The following KLHL13 variants were observed in gnomAD, a reference collection of about 807,000 sequenced individuals.
The protein encoded by KLHL13 is kelch-like protein 13.
KLHL13 carries 10 observed loss-of-function variants against 37.1 expected under a neutral mutation model. The ratio of observed to expected loss-of-function variants is 0.27; its 90% CI spans 0.17 to 0.46. The LOEUF (loss-of-function observed/expected upper bound fraction) is 0.46, where lower values mean the gene tolerates loss of function less well. KLHL13 is among the 20% of genes least tolerant of loss of function. The pLI, the probability that KLHL13 is intolerant of heterozygous loss-of-function variation, is 1.00. For synonymous variants in KLHL13, 163 were observed against 181.2 expected (o/e 0.90, Z 0.81); for missense variants, 360 against 509.3 (o/e 0.71, Z 2.82).
At chrX:117,934,818 C>G (rs1459111615) in intron 2 of KLHL13, among the ~76,000 whole-genome samples, 3 of 108,681 alleles carry the variant, frequency 2.8e-5, no homozygotes, top group Non-Finnish European at 5.7e-5. Context: ...TGACTTGGCA[C>G]AGAACAAGAA....
intron 1 of KLHL13, among the ~76,000 whole-genome samples, chrX:118,103,458 T>C (rs1281736776): frequency 9.0e-6 from 1 of 111,584 alleles, no homozygotes; most frequent in Non-Finnish European, 1.9e-5. Context: ...CCCAAGTAGA[T>C]AATAGGCATT....
At chrX:118,049,910 C>T (rs2054595900) in intron 1 of KLHL13, among the ~76,000 whole-genome samples, 1 of 112,434 alleles carries the variant, frequency 8.9e-6, no homozygotes, top group Admixed American at 9.4e-5. Flanking sequence ...ACAATTTCAG[C>T]TTCCCTTCTA....
intron 1 of KLHL13, among the ~76,000 whole-genome samples, chrX:118,018,783 G>A (rs2148004848): frequency 9.0e-6 from 1 of 110,841 alleles, no homozygotes; most frequent in Non-Finnish European, 1.9e-5. Context: ...CTTCTAAATG[G>A]CGATTTCTGA....
intron 1 of KLHL13, among the ~76,000 whole-genome samples, chrX:118,023,824 A>G: frequency 9.0e-6 from 1 of 111,503 alleles, no homozygotes; most frequent in Non-Finnish European, 1.9e-5. Context: ...CACCCTCCTC[A>G]ACCTCCCAAA....
chrX:117,945,402 G>C (rs187412669), intron 2 of KLHL13, 32 bp downstream of exon 3: 2 of 1,191,052 alleles, frequency 1.7e-6, no homozygotes, highest in South Asian at 3.7e-5. Context: ...TTAAAGCTAC[G>C]TAAACACTAC....
At chrX:118,001,866 G>A (rs1329112202) in intron 1 of KLHL13, among the ~76,000 whole-genome samples, 177 of 74,870 alleles carry the variant, frequency 2.4e-3, no homozygotes, top group African/African-American at 1.0e-2. Flanking sequence ...GCAAGACCCC[G>A]TCAAAAAAAA....
At chrX:117,903,030 A>T (rs1288721127) in intron 5 of KLHL13, among the ~76,000 whole-genome samples, 2 of 109,729 alleles carry the variant, frequency 1.8e-5, no homozygotes, top group South Asian at 8.0e-4. Flanking sequence ...AATTTGATCA[A>T]GCCACTGGAA....
In KLHL13 at chrX:117,904,674, C is replaced by T. The variant is rs188982301; in HGVS notation, c.1367-2728G>A. On this transcript the variant is annotated intron_variant, in intron 5 of 6. Coordinates refer to ENST00000262820, the Ensembl canonical transcript of KLHL13. ...TTCTATAAAATTCAAATTTCATGTT[C>T]ACAAATAAAGCTTTATTGGAGCACA... 1.2e-4 allele frequency among the ~76,000 whole-genome samples: 13 copies of T among 111,986 alleles called. No homozygotes were observed. In the East Asian group the frequency reaches 3.6e-3, roughly 31 times the overall value.
chrX:117,901,983 C>T (rs772767746), intron 5 of KLHL13, 37 bp from the exon 7 acceptor site: 6 of 749,782 alleles, frequency 8.0e-6, no homozygotes, highest in African/African-American at 2.2e-5. Context: ...TTATTTTTAA[C>T]TTCAAATTTA....
At chrX:118,115,468 T>C (rs2055458099) in intron 1 of KLHL13, among the ~76,000 whole-genome samples, 1 of 112,687 alleles carries the variant, frequency 8.9e-6, no homozygotes, top group Non-Finnish European at 1.9e-5. Context: ...ACATGAAATC[T>C]ACTGTTAAGA....
chrX:118,098,268 A>C (rs2055237614), intron 1 of KLHL13, among the ~76,000 whole-genome samples: 1 of 112,236 alleles, frequency 8.9e-6, no homozygotes, highest in Admixed American at 9.5e-5. Flanking sequence ...GGCAAAGGCT[A>C]TGAACAGACA....
At chrX:117,899,365 T>C in exon 7 of KLHL13, 1 of 1,204,635 alleles carries the variant, frequency 8.3e-7, no homozygotes, top group Middle Eastern at 2.3e-4. Flanking sequence ...GCACATGAGC[T>C]CCTTTTGGAA....
chrX:117,976,529 T>C (rs1462949741), upstream of KLHL13, among the ~76,000 whole-genome samples: 2 of 112,095 alleles, frequency 1.8e-5, no homozygotes. Flanking sequence ...ACTAAAAATA[T>C]GTTCACCTAT....
At position 118,036,905 on chromosome X, in the gene KLHL13, C is replaced by A. The variant is rs752246259; in HGVS notation, c.-56+79603G>T. Among the ~76,000 whole-genome samples the A allele has an allele frequency of 5.3e-3, 538 of 100,936 alleles. 4 individuals carry two copies. Among genetic ancestry groups the A allele is most frequent in the African/African-American group, 0.017 (467 of 27,323 alleles). 87.7% of individuals were successfully genotyped at this position (100,936 alleles called of 115,157 possible). On this transcript the variant is annotated intron_variant, in intron 1 of 6. Transcript: ENST00000371882. ...CTCAAACAAATTTACAAGAAAAAAA[C>A]AAACAACCCCATCAAAAAGTGGGCA... is the stretch of plus-strand genomic sequence containing the variant.
At chrX:118,098,089 G>T (rs1008122332) in intron 1 of KLHL13, among the ~76,000 whole-genome samples, 2 of 111,757 alleles carry the variant, frequency 1.8e-5, no homozygotes, top group Non-Finnish European at 3.8e-5. Context: ...GGGATCTAAT[G>T]AAACTCAAGA....
intron 1 of KLHL13, among the ~76,000 whole-genome samples, chrX:118,085,006 G>C (rs2055037686): frequency 9.1e-6 from 1 of 109,977 alleles, no homozygotes; most frequent in African/African-American, 3.3e-5. Flanking sequence ...CTGGGCAACA[G>C]AGCAAGACTC....
chrX:117,900,079 A>T (rs1929992360), intron 6 of KLHL13, among the ~76,000 whole-genome samples: 1 of 112,383 alleles, frequency 8.9e-6, no homozygotes, highest in Non-Finnish European at 1.9e-5. Context: ...GTGGAATTTT[A>T]TACATGCACC....
At chrX:117,947,503 G>A (rs1457454956) in intron 1 of KLHL13, 2 of 111,627 alleles carry the variant, frequency 1.8e-5, no homozygotes, top group African/African-American at 3.2e-5. Context: ...GACATATCCC[G>A]GAAATTGCTT....
chrX:118,056,840 C>G (rs2054689754), intron 1 of KLHL13, among the ~76,000 whole-genome samples: 1 of 111,938 alleles, frequency 8.9e-6, no homozygotes, highest in Admixed American at 9.5e-5. Flanking sequence ...CCCACTTCCT[C>G]AAGTTTGTTG....
Sources: gnomAD v4.1 joint callset for allele counts (sites outside exome capture counted in the v4.1 genomes callset) on GRCh38, gnomAD v4.1.1 for gene constraint, MANE v1.5 for transcripts, NCBI Gene and HGNC (gene_info 2026-07-23, HGNC 2026-07-21) for gene names.